Variants in CHORDC1 observed in about 807,000 individuals in gnomAD.
The protein encoded by CHORDC1 is cysteine and histidine rich domain containing 1.
In CHORDC1, 25 loss-of-function variants were observed where a neutral mutation model predicts 48.3. The observed-to-expected ratio is 0.52, with a 90% CI of 0.38 to 0.72. The LOEUF is 0.72. CHORDC1 is among the 30% of genes least tolerant of loss of function. The pLI is 0.00. For missense variants in CHORDC1, 317 were observed against 388.7 expected (o/e 0.82, Z 1.55); for synonymous variants, 128 against 126.4 (o/e 1.01, Z -0.09).
At chr11:90,203,549 A>T (rs1857593683) in intron 8 of CHORDC1, 122 bp from the exon 9 acceptor site, 1 of 805,886 alleles carries the variant, frequency 1.2e-6, no homozygotes, top group African/African-American at 1.7e-5. Flanking sequence ...TTAATGTTTA[A>T]GGGCAAAAAA....
intron 1 of CHORDC1, among the ~76,000 whole-genome samples, chr11:90,219,673 C>T (rs1358004197): frequency 1.3e-5 from 2 of 152,168 alleles, no homozygotes; most frequent in Non-Finnish European, 2.9e-5. Flanking sequence ...CTTTATTTCC[C>T]GTAAGGAATA....
chr11:90,212,916 C>T (rs1178918122), intron 4 of CHORDC1: 2 of 152,362 alleles, frequency 1.3e-5, no homozygotes, highest in Admixed American at 6.6e-5. Context: ...GCCACAGTGC[C>T]TGGCCTCTCA....
At chr11:90,218,637 A>G (rs985198051) in intron 1 of CHORDC1, among the ~76,000 whole-genome samples, 1 of 152,230 alleles carries the variant, frequency 6.6e-6, no homozygotes, top group Non-Finnish European at 1.5e-5. Context: ...TAAATACTGT[A>G]AAGATTTTTT....
intron 6 of CHORDC1, chr11:90,208,500 T>A (rs1025575536): frequency 2.0e-5 from 3 of 151,986 alleles, no homozygotes; most frequent in African/African-American, 7.3e-5. Flanking sequence ...AAAGTAGAAA[T>A]TAGTTGTGGC....
rs1464161598 is a variant in CHORDC1, at chr11:90,211,218, T to C, written c.430A>G (p.Lys144Glu). Residue 144 changes from lysine (K) to glutamate (E), a missense_variant, in exon 5 of 11, where the codon AAA becomes GAA. Coordinates refer to ENST00000320585, the MANE Select transcript of CHORDC1 (RefSeq NM_012124.3). ...KLSSGNEENKKEEDNDEIKIG... is the reference protein window; with the variant it reads ...KLSSGNEENKEEEDNDEIKIG... ...ATAAAACAAAATAAAATCTTACCTTTCTTATTTTCTTCATTCCCTGATGAC... is the reference window on the plus strand; with the variant it reads ...ATAAAACAAAATAAAATCTTACCTTCCTTATTTTCTTCATTCCCTGATGAC... 9 of 1,555,734 alleles carry C rather than the reference T, an allele frequency of 5.8e-6. No individual in the cohort carries two copies. The highest frequency in any genetic ancestry group is 6.2e-6 in the Non-Finnish European group (7 of 1,131,210).
intron 1 of CHORDC1, among the ~76,000 whole-genome samples, chr11:90,220,864 T>A (rs941131141): frequency 2.6e-5 from 4 of 152,138 alleles, no homozygotes; most frequent in African/African-American, 9.7e-5. Flanking sequence ...TCAGTTTTCC[T>A]CGTATACGTC....
intron 6 of CHORDC1, chr11:90,209,196 G>A (rs1413238184): frequency 6.6e-6 from 1 of 151,920 alleles, no homozygotes; most frequent in African/African-American, 2.4e-5. Context: ...CATTCCTTAA[G>A]TGATCTAAAA....
At chr11:90,211,374 A>G in intron 4 of CHORDC1, 56 bp from the exon 5 acceptor site, 2 of 1,108,412 alleles carry the variant, frequency 1.8e-6, no homozygotes, top group Non-Finnish European at 2.7e-6. Flanking sequence ...ATTTCTTTGT[A>G]CTCCAAATTA....
intron 6 of CHORDC1, chr11:90,206,690 G>A (rs953500061): frequency 6.4e-6 from 5 of 782,766 alleles, no homozygotes; most frequent in Non-Finnish European, 9.2e-6. Context: ...AGCAATTCTG[G>A]AAGTTCTAGA....
chr11:90,219,340 C>T (rs1384913314), intron 1 of CHORDC1, among the ~76,000 whole-genome samples: 1 of 152,162 alleles, frequency 6.6e-6, no homozygotes, highest in Non-Finnish European at 1.5e-5. Context: ...TTCTATACTT[C>T]CCTCCCCACT....
rs144956684 is a variant in CHORDC1 at position 90,206,238 on chromosome 11, C to T, written c.527G>A (p.Cys176Tyr). ...AATAGGTACTCCAGAATGATATACACAGACTTCTTCTAGACTCTCTAGACC... is the reference window on the plus strand; with the variant it reads ...AATAGGTACTCCAGAATGATATACATAGACTTCTTCTAGACTCTCTAGACC... ...YQGLESLEEV[C>Y]VYHSGVPIFH... The change falls in exon 7 of 11, where the codon TGT becomes TAT. Residue 176 changes from cysteine (C) to tyrosine (Y), a missense_variant. Physicochemically the swap from Cys to Tyr is radical, Grantham distance 194. Coordinates refer to ENST00000320585, the MANE Select transcript of CHORDC1 (RefSeq NM_012124.3). 6 of 1,576,058 alleles carry T rather than the reference C, an allele frequency of 3.8e-6. No homozygotes were observed. The highest frequency in any genetic ancestry group is 4.4e-6 in the Non-Finnish European group (5 of 1,145,642).
At chr11:90,221,309 CTCAA>C (rs750055714) in intron 1 of CHORDC1, among the ~76,000 whole-genome samples, 20 of 152,176 alleles carry the variant, frequency 1.3e-4, no homozygotes, top group East Asian at 3.9e-4. Context: ...CTTCCATTCA[CTCAA>C]TCAGTTTACT....
intron 10 of CHORDC1, 77 bp from the exon 11 acceptor site, chr11:90,202,628 T>C (rs986793287): frequency 6.6e-7 from 1 of 1,518,888 alleles, no homozygotes; most frequent in African/African-American, 1.4e-5. Flanking sequence ...GACTTGCTTA[T>C]GCCAATAATC....
chr11:90,207,620 T>C (rs897603178), intron 6 of CHORDC1: 1 of 151,724 alleles, frequency 6.6e-6, no homozygotes, highest in African/African-American at 2.4e-5. Context: ...CAAGAGACAT[T>C]AGAGATAGGT....
At chr11:90,206,511 G>A (rs1285402071) in intron 6 of CHORDC1, 5 of 434,274 alleles carry the variant, frequency 1.2e-5, no homozygotes, top group South Asian at 2.4e-5. Context: ...TCAGCCTTTT[G>A]AGTATGAGAT....
intron 4 of CHORDC1, chr11:90,213,580 T>C (rs998505580): frequency 4.0e-6 from 2 of 498,988 alleles, no homozygotes; most frequent in Middle Eastern, 2.8e-4. Flanking sequence ...GCATTAAAAA[T>C]TGACCAGTAG....
chr11:90,211,472 G>A, intron 4 of CHORDC1, 154 bp from the exon 5 acceptor site: 1 of 571,516 alleles, frequency 1.7e-6, no homozygotes, highest in Non-Finnish European at 3.1e-6. Flanking sequence ...ATAAATAATT[G>A]TTACAATGTA....
chr11:90,213,731 C>T (rs1857930609), intron 4 of CHORDC1: 1 of 443,086 alleles, frequency 2.3e-6, no homozygotes, highest in Non-Finnish European at 4.0e-6. Flanking sequence ...GAAAAAGATG[C>T]ACTCTAAGGC....
chr11:90,206,443 TCC>T (rs1308868149), intron 6 of CHORDC1, 171 bp from the exon 7 acceptor site: 12 of 532,898 alleles, frequency 2.3e-5, no homozygotes, highest in Non-Finnish European at 3.7e-5. Context: ...GAAAAATGAT[TCC>T]CTTTTGGACT....
Sources: allele counts gnomAD v4.1 joint callset (sites outside exome capture counted in the v4.1 genomes callset), GRCh38; gene constraint gnomAD v4.1.1; transcripts MANE v1.5; gene names NCBI Gene and HGNC (gene_info 2026-07-23, HGNC 2026-07-21).